The following MAGT1 variants were observed in gnomAD, a reference collection of about 807,000 sequenced individuals.
MAGT1 encodes dolichyl-diphosphooligosaccharide--protein glycosyltransferase subunit MAGT1.
MAGT1 carries 4 observed loss-of-function variants against 28.4 expected under a neutral mutation model. The observed-to-expected ratio is 0.14, with a 90% confidence interval of 0.07 to 0.32. MAGT1 has a LOEUF of 0.32. Among genes scored for constraint, MAGT1 ranks in the 10% least tolerant of loss-of-function variants. The pLI is 1.00. For missense variants in MAGT1, 193 were observed against 264.5 expected (o/e 0.73, Z 1.88); for synonymous variants, 89 against 89.7 (o/e 0.99, Z 0.04).
intron 3 of MAGT1, among the ~76,000 whole-genome samples, chrX:77,863,115 C>T (rs1379865325): frequency 9.2e-6 from 1 of 109,067 alleles, no homozygotes; most frequent in Non-Finnish European, 1.9e-5. Context: ...TGCAGTGAGC[C>T]GAAATCTGCA....
At chrX:77,868,786 A>T (rs1328213804) in intron 3 of MAGT1, 2 of 200,517 alleles carry the variant, frequency 1.0e-5, no homozygotes, top group Non-Finnish European at 1.9e-5. Context: ...GTGCCATTGC[A>T]CTCCAGCCTG....
intron 3 of MAGT1, among the ~76,000 whole-genome samples, chrX:77,861,647 C>T (rs1446650977): frequency 8.9e-6 from 1 of 112,309 alleles, no homozygotes; most frequent in African/African-American, 3.2e-5. Context: ...CTGGAAGCAA[C>T]CTAAGTATCC....
intron 3 of MAGT1, among the ~76,000 whole-genome samples, chrX:77,865,831 T>C (rs781803721): frequency 1.8e-5 from 2 of 110,695 alleles, no homozygotes; most frequent in Admixed American, 2.0e-4. Flanking sequence ...AGAAAATTGT[T>C]GTAACCCAAC....
In MAGT1 at chrX:77,829,014, T is replaced by C; in HGVS notation, c.*206A>G. 1 of 400,739 alleles carries C rather than the reference T, an allele frequency of 2.5e-6. No individual in the cohort carries two copies. The highest frequency in any genetic ancestry group is 4.4e-6 in the Non-Finnish European group (1 of 225,040). 33.0% of individuals were successfully genotyped at this position (400,739 alleles called of 1,213,427 possible). On this transcript the variant is annotated 3_prime_UTR_variant, in exon 10 of 10. Transcript: ENST00000618282. ...CACTGGGAAGAGAAGGTTAAGAGGA[T>C]AATTATTTTCAAATACCTCAGATTT...
chrX:77,876,154 ATATATATATATTTT>A (rs1360851027), intron 1 of MAGT1, among the ~76,000 whole-genome samples: 22 of 31,258 alleles, frequency 7.0e-4, no homozygotes, highest in Non-Finnish European at 7.6e-4. Context: ...ATATATATAT[ATATATATATATTTT>A]TTTTTTTTTT....
chrX:77,838,834 A>G (rs1270802542), intron 8 of MAGT1, among the ~76,000 whole-genome samples: 2 of 110,943 alleles, frequency 1.8e-5, no homozygotes, highest in African/African-American at 3.3e-5. Context: ...AAAAGACAAA[A>G]GGACAATTTA....
At chrX:77,873,102 G>A (rs1173057521) in intron 2 of MAGT1, among the ~76,000 whole-genome samples, 1 of 112,368 alleles carries the variant, frequency 8.9e-6, no homozygotes, top group Admixed American at 9.6e-5. Context: ...TGAGTGAACT[G>A]ACGGAATTAG....
chrX:77,836,626 C>T (rs969580892), intron 8 of MAGT1, among the ~76,000 whole-genome samples: 5 of 112,122 alleles, frequency 4.5e-5, no homozygotes, highest in African/African-American at 1.6e-4. Flanking sequence ...TCATAGACTG[C>T]GTGTGATGGC....
At chrX:77,834,331 TAC>T (rs781946076) in intron 8 of MAGT1, among the ~76,000 whole-genome samples, 6 of 102,631 alleles carry the variant, frequency 5.8e-5, no homozygotes, top group Non-Finnish European at 1.2e-4. Context: ...CATATATATA[TAC>T]ACACACACAC....
Position 77,855,511 on chromosome X carries a change from G to T in MAGT1, c.752C>A (p.Thr251Lys). The T allele has an allele frequency of 8.4e-6, 10 of 1,197,293 alleles. No individual in the cohort carries two copies. Among genetic ancestry groups the T allele is most frequent in the Non-Finnish European group, 1.1e-5 (10 of 882,915 alleles). The change falls in exon 6 of 10, where the codon ACG (threonine) becomes AAG (lysine). Residue 251 changes from threonine to lysine, a missense_variant. Thr to Lys is a moderately conservative substitution (Grantham distance 78). Coordinates refer to ENST00000618282, the MANE Select transcript of MAGT1 (RefSeq NM_001367916.1). The stretch of plus-strand genomic sequence containing the variant: ...CCAGACTTCCCTTACCACATGTCCC[G>T]TGTGGGGATTCTTATGGGCATATGG... ...GPPYAHKNPHTGHVNYIHGSS... is the reference protein window; with the variant it reads ...GPPYAHKNPHKGHVNYIHGSS...
At chrX:77,863,799 G>T (rs1164453482) in intron 3 of MAGT1, among the ~76,000 whole-genome samples, 2 of 111,792 alleles carry the variant, frequency 1.8e-5, no homozygotes, top group Admixed American at 1.9e-4. Context: ...AGGTGGATCA[G>T]TTGAGCTCAG....
chrX:77,854,846 A>G (rs1236796871), intron 6 of MAGT1, among the ~76,000 whole-genome samples: 2 of 111,808 alleles, frequency 1.8e-5, no homozygotes, highest in Non-Finnish European at 3.8e-5. Context: ...GAAGACAGGG[A>G]TCATGTTTTT....
intron 7 of MAGT1, among the ~76,000 whole-genome samples, chrX:77,852,810 C>T (rs1441212479): frequency 1.8e-5 from 2 of 110,958 alleles, no homozygotes; most frequent in African/African-American, 6.6e-5. Flanking sequence ...GTTGCCCAGG[C>T]TGGTCTCAAA....
intron 9 of MAGT1, among the ~76,000 whole-genome samples, chrX:77,829,537 C>G (rs782394729): frequency 5.4e-5 from 6 of 110,793 alleles, no homozygotes; most frequent in African/African-American, 2.0e-4. Context: ...TCTGGGACTC[C>G]CACGCTCAAG....
chrX:77,839,267 G>A (rs1185732506), intron 8 of MAGT1, among the ~76,000 whole-genome samples: 3 of 106,184 alleles, frequency 2.8e-5, no homozygotes, highest in Non-Finnish European at 5.8e-5. Context: ...TCGCGCCACC[G>A]CACTCCAGCC....
intron 9 of MAGT1, among the ~76,000 whole-genome samples, chrX:77,830,056 CT>C (rs1254668690): frequency 8.9e-6 from 1 of 112,669 alleles, no homozygotes; most frequent in East Asian, 2.8e-4. Flanking sequence ...TGGTGGCTGG[CT>C]AATGCCTATA....
chrX:77,835,970 A>C (rs782441068), intron 8 of MAGT1, among the ~76,000 whole-genome samples: 5 of 110,507 alleles, frequency 4.5e-5, no homozygotes, highest in Non-Finnish European at 9.5e-5. Flanking sequence ...CGCCCAGCTA[A>C]TTTTTGTATT....
At chrX:77,891,572 T>C (rs781889243) in intron 1 of MAGT1, among the ~76,000 whole-genome samples, 1 of 111,781 alleles carries the variant, frequency 8.9e-6, no homozygotes, top group African/African-American at 3.2e-5. Flanking sequence ...AATGTTAATG[T>C]GTGTATTATA....
intron 7 of MAGT1, among the ~76,000 whole-genome samples, chrX:77,853,019 T>C (rs781999816): frequency 8.9e-6 from 1 of 112,197 alleles, no homozygotes; most frequent in African/African-American, 3.2e-5. Flanking sequence ...GGGTAAACTA[T>C]GTTTAGTCAT....
Sources: allele counts gnomAD v4.1 joint callset (sites outside exome capture counted in the v4.1 genomes callset), GRCh38; gene constraint gnomAD v4.1.1; transcripts MANE v1.5; gene names NCBI Gene and HGNC (gene_info 2026-07-23, HGNC 2026-07-21).